Variants in UBR1 observed in about 807,000 individuals in gnomAD.
UBR1 encodes E3 ubiquitin-protein ligase UBR1.
UBR1 carries 102 observed loss-of-function variants against 242.1 expected under a neutral mutation model. The observed-to-expected ratio is 0.42, with a 90% CI of 0.36 to 0.50. The LOEUF is 0.50. UBR1 is among the 20% of genes least tolerant of loss of function. UBR1 has a pLI of 0.01. For synonymous variants in UBR1, 675 were observed against 684.8 expected (o/e 0.99, Z 0.22); for missense variants, 1,772 against 2,101.8 (o/e 0.84, Z 3.07).
intron 6 of UBR1, among the ~76,000 whole-genome samples, chr15:43,065,689 G>A (rs929339867): frequency 6.6e-6 from 1 of 152,070 alleles, no homozygotes; most frequent in African/African-American, 2.4e-5. Context: ...ACATAATCTT[G>A]TTCCTTTTTA....
chr15:42,944,973 C>A lies in UBR1; in HGVS notation c.*356G>T. The A allele has an allele frequency of 7.4e-6, 2 of 271,860 alleles. No homozygotes were observed. The highest frequency in any genetic ancestry group is 4.0e-5 in the South Asian group (1 of 24,828). 16.8% of individuals were successfully genotyped at this position (271,860 alleles called of 1,614,324 possible). On this transcript the variant is annotated 3_prime_UTR_variant, in exon 47 of 47. Coordinates refer to ENST00000290650, the MANE Select transcript of UBR1 (RefSeq NM_174916.3). Reference sequence around the variant, plus strand: ...TGAACTAAACTTGGGGGGAAAACACCAAATACAAAATTGCAGAAGAGTTAA... The same window carrying A: ...TGAACTAAACTTGGGGGGAAAACACAAAATACAAAATTGCAGAAGAGTTAA...
chr15:43,012,176 G>A (rs1596100343), intron 29 of UBR1, among the ~76,000 whole-genome samples: 1 of 151,050 alleles, frequency 6.6e-6, no homozygotes, highest in South Asian at 2.1e-4. Context: ...GCAGTGAGCC[G>A]AGACCGTGCC....
At chr15:42,951,291 C>T (rs1336806096) in intron 45 of UBR1, among the ~76,000 whole-genome samples, 1 of 151,908 alleles carries the variant, frequency 6.6e-6, no homozygotes, top group African/African-American at 2.4e-5. Flanking sequence ...GGTGTAATCT[C>T]GGCCTACTGC....
intron 4 of UBR1, 56 bp downstream of exon 4, chr15:43,074,923 T>C: frequency 1.5e-6 from 2 of 1,344,444 alleles, no homozygotes; most frequent in South Asian, 2.3e-5. Flanking sequence ...TTTATTCTTA[T>C]CTAATCTCAG....
chr15:43,069,564 C>T (rs191579208), intron 5 of UBR1, among the ~76,000 whole-genome samples: 12 of 152,350 alleles, frequency 7.9e-5, no homozygotes, highest in Admixed American at 2.0e-4. Flanking sequence ...CGTGAGCCGC[C>T]GCGCCCGGCC....
chr15:43,018,293 G>A (rs771866702), intron 27 of UBR1, among the ~76,000 whole-genome samples: 12 of 152,062 alleles, frequency 7.9e-5, no homozygotes, highest in South Asian at 2.1e-4. Flanking sequence ...GAGCCATCGC[G>A]CCCAGCTATC....
At chr15:43,020,027 T>C (rs887931644) in intron 27 of UBR1, among the ~76,000 whole-genome samples, 7 of 151,874 alleles carry the variant, frequency 4.6e-5, no homozygotes, top group Non-Finnish European at 7.4e-5. Flanking sequence ...AAGCACCAAA[T>C]CCAGGAGTCA....
intron 44 of UBR1, 32 bp downstream of exon 44, chr15:42,957,981 A>G (rs749752001): frequency 1.3e-6 from 2 of 1,560,590 alleles, no homozygotes; most frequent in Non-Finnish European, 1.8e-6. Context: ...ATGATTTAAA[A>G]TTACACACAT....
At chr15:43,030,896 C>T (rs2033247767) in intron 20 of UBR1, among the ~76,000 whole-genome samples, 3 of 152,190 alleles carry the variant, frequency 2.0e-5, no homozygotes, top group South Asian at 4.1e-4. Context: ...TAAGTGAATT[C>T]GTTTCCAACA....
chr15:43,008,762 C>T (rs574400681), intron 29 of UBR1, among the ~76,000 whole-genome samples: 2 of 152,320 alleles, frequency 1.3e-5, no homozygotes, highest in South Asian at 4.1e-4. Flanking sequence ...AAACCCCAGA[C>T]TCAGCCAGAC....
intron 1 of UBR1, among the ~76,000 whole-genome samples, chr15:43,088,197 T>C (rs1408985304): frequency 3.3e-5 from 5 of 152,340 alleles, no homozygotes; most frequent in African/African-American, 1.2e-4. Context: ...ATTAAAAACC[T>C]GAATGTCCGT....
Position 43,067,961 on chromosome 15 carries a change from T to A in UBR1, c.735A>T (p.Leu245=), listed in dbSNP as rs555802291. Reference sequence around the variant, plus strand: ...CGAGCTCACAGTCAAGAGCTCTTTGTAGGCTGTATATGACGTGGTCATATG... The same window carrying A: ...CGAGCTCACAGTCAAGAGCTCTTTGAAGGCTGTATATGACGTGGTCATATG... ...HHSYDHVIYS[L]QRALDCELAE... Residue 245 remains leucine, a synonymous_variant, in exon 6 of 47, where the codon CTA becomes CTT. Coordinates refer to ENST00000290650, the MANE Select transcript of UBR1 (RefSeq NM_174916.3). 6.2e-7 allele frequency: 1 copy of A among 1,613,812 alleles called. No homozygotes were observed. The highest frequency in any genetic ancestry group is 8.5e-7 in the Non-Finnish European group (1 of 1,179,902).
At chr15:42,985,057 T>C (rs2032438462) in intron 35 of UBR1, 115 bp from the exon 36 acceptor site, 1 of 906,626 alleles carries the variant, frequency 1.1e-6, no homozygotes, top group South Asian at 2.2e-5. Context: ...TTTGCATTTT[T>C]CCCCTTCAAA....
chr15:42,962,626 A>G (rs2032041584), intron 42 of UBR1, among the ~76,000 whole-genome samples: 1 of 152,018 alleles, frequency 6.6e-6, no homozygotes, highest in Admixed American at 6.6e-5. Flanking sequence ...AGTAGCTGGG[A>G]TTACAGGTAC....
intron 11 of UBR1, among the ~76,000 whole-genome samples, chr15:43,055,995 C>A (rs963348531): frequency 2.0e-5 from 3 of 152,088 alleles, no homozygotes; most frequent in Non-Finnish European, 4.4e-5. Flanking sequence ...TATGCAGCAC[C>A]CTCTCTCCCA....
chr15:42,966,245 G>A lies in UBR1; in HGVS notation c.4499C>T (p.Ser1500Leu). The A allele has an allele frequency of 1.2e-6, 2 of 1,614,114 alleles. No homozygotes were observed. The highest frequency in any genetic ancestry group is 1.7e-6 in the Non-Finnish European group (2 of 1,180,022). Residue 1500 changes from serine (S) to leucine (L), a missense_variant, in exon 41 of 47, where the codon TCA becomes TTA. This residue lies in a region of UBR1 where 965 missense variants were observed against 1,079.7 expected (regional missense o/e 0.89). Coordinates refer to ENST00000290650, the MANE Select transcript of UBR1 (RefSeq NM_174916.3). The stretch of plus-strand genomic sequence containing the variant: ...ATAAGGGGTGATGCCATTCTTCAGT[G>A]AGACCCACAAATACCAGCCAGGAAT... ...CDIPGWYLWV[S>L]LKNGITPYLR...
intron 3 of UBR1, among the ~76,000 whole-genome samples, chr15:43,080,675 C>T (rs1394546184): frequency 6.6e-6 from 1 of 152,174 alleles, no homozygotes; most frequent in Non-Finnish European, 1.5e-5. Context: ...CATTCACTGG[C>T]CGGGCGTGGT....
At chr15:42,995,444 G>A (rs544376957) in intron 33 of UBR1, among the ~76,000 whole-genome samples, 9 of 151,250 alleles carry the variant, frequency 6.0e-5, no homozygotes, top group Non-Finnish European at 1.2e-4. Flanking sequence ...TGGATCACAA[G>A]GTCAGGAGAT....
At chr15:43,062,678 C>A (rs1386249308) in intron 6 of UBR1, among the ~76,000 whole-genome samples, 1 of 152,078 alleles carries the variant, frequency 6.6e-6, no homozygotes, top group Non-Finnish European at 1.5e-5. Context: ...GCGGTGTGAT[C>A]AAAGCTCACT....
Sources: gnomAD v4.1 joint callset for allele counts (sites outside exome capture counted in the v4.1 genomes callset) on GRCh38, gnomAD v4.1.1 for gene constraint, gnomAD v4.1.1 regional missense constraint, MANE v1.5 for transcripts, NCBI Gene and HGNC (gene_info 2026-07-23, HGNC 2026-07-21) for gene names.